The following SLIT3 variants were observed in gnomAD, a reference collection of about 807,000 sequenced individuals.
SLIT3 encodes the protein slit guidance ligand 3, also known as slit homolog 3 protein.
A neutral mutation model predicts 184.0 loss-of-function variants in SLIT3; 68 were observed. The observed-to-expected ratio is 0.37, with a 90% CI of 0.30 to 0.45. The LOEUF (loss-of-function observed/expected upper bound fraction) is 0.45. SLIT3 is among the 20% of genes least tolerant of loss of function. SLIT3 has a pLI of 1.00. For missense variants in SLIT3, 1,707 were observed against 2,026.0 expected (o/e 0.84, Z 3.02); for synonymous variants, 831 against 828.6 (o/e 1.00, Z -0.05).
intron 31 of SLIT3, 25 bp downstream of exon 31, chr5:168,685,662 A>AAGGGC: frequency 6.6e-7 from 1 of 1,516,094 alleles, no homozygotes; most frequent in Non-Finnish European, 8.8e-7. Context: ...AGGTCCTTCC[A>AAGGGC]AGGGCAGGGC....
chr5:168,848,128 C>T (rs775816864), intron 5 of SLIT3, among the ~76,000 whole-genome samples: 1 of 152,220 alleles, frequency 6.6e-6, no homozygotes, highest in Non-Finnish European at 1.5e-5. Context: ...CAGTGCCTAG[C>T]GCAGTGCCAG....
chr5:169,004,903 G>A (rs369346700), intron 4 of SLIT3, among the ~76,000 whole-genome samples: 12 of 152,082 alleles, frequency 7.9e-5, no homozygotes, highest in African/African-American at 2.9e-4. Flanking sequence ...GAACCTCCTA[G>A]TCTCCAGAAC....
chr5:168,681,823 C>G (rs112399506), intron 32 of SLIT3, among the ~76,000 whole-genome samples: 47 of 152,332 alleles, frequency 3.1e-4, no homozygotes, highest in African/African-American at 1.1e-3. Context: ...GGAAGCCTGG[C>G]TTTCACCTTC....
chr5:168,836,964 T>G (rs534848636), intron 6 of SLIT3, among the ~76,000 whole-genome samples: 72 of 152,232 alleles, frequency 4.7e-4, no homozygotes, highest in Non-Finnish European at 9.0e-4. Context: ...AAAAAAAAAT[T>G]TAGATTTCAA....
chr5:169,254,094 C>A (rs1344430221), intron 1 of SLIT3, among the ~76,000 whole-genome samples: 2 of 151,988 alleles, frequency 1.3e-5, no homozygotes, highest in South Asian at 2.1e-4. Flanking sequence ...CCCAACTCCA[C>A]ACAGCTGGGT....
At chr5:168,834,582 C>T (rs1435759192) in intron 6 of SLIT3, among the ~76,000 whole-genome samples, 1 of 149,878 alleles carries the variant, frequency 6.7e-6, no homozygotes, top group East Asian at 2.0e-4. Flanking sequence ...ATTCCAGCTA[C>T]TCAGGAGGCT....
chr5:168,884,639 T>C (rs1361719394), intron 4 of SLIT3, among the ~76,000 whole-genome samples: 1 of 144,898 alleles, frequency 6.9e-6, no homozygotes, highest in Non-Finnish European at 1.5e-5. Context: ...TTATTTTTGC[T>C]TGCTATATTG....
Position 168,669,961 on chromosome 5 carries a change from C to T in SLIT3, c.4158G>A (p.Gly1386=). The part of the protein sequence containing the change: ...RCHHGKCVAT[G]TSYMCKCAEG... ...CGGCACACTTGCACATGTATGAGGT[C>T]CCAGTTGCCACACATTTTCCATGGT... Residue 1386 remains glycine, a synonymous_variant, in exon 35 of 36, where the codon GGG becomes GGA. Coordinates refer to ENST00000519560, the MANE Select transcript of SLIT3 (RefSeq NM_003062.4). 1.2e-6 allele frequency: 2 copies of T among 1,614,106 alleles called. No homozygotes were observed. The highest frequency in any genetic ancestry group is 1.7e-6 in the Non-Finnish European group (2 of 1,180,018).
At chr5:169,079,941 G>A (rs1448297221) in intron 4 of SLIT3, among the ~76,000 whole-genome samples, 2 of 149,754 alleles carry the variant, frequency 1.3e-5, no homozygotes, top group African/African-American at 5.0e-5. Flanking sequence ...AGGGAAGAGA[G>A]AGAAGAGGGA....
chr5:169,199,092 G>C (rs571121679), intron 3 of SLIT3, among the ~76,000 whole-genome samples: 2 of 151,858 alleles, frequency 1.3e-5, no homozygotes, highest in African/African-American at 2.4e-5. Flanking sequence ...GGTTGAAATC[G>C]GAAGCAGGAA....
chr5:169,132,663 G>A lies in SLIT3; in HGVS notation c.413+60816C>T, dbSNP rs1012938260. ...CAGGACTTCTCAAAAAGCATGTTCC[G>A]TATCAAGCTGAAGGTCTGTATGTCT... On this transcript the variant is annotated intron_variant, in intron 4 of 35. Transcript: ENST00000519560. Among the ~76,000 whole-genome samples the A allele has an allele frequency of 9.9e-5, 15 of 152,284 alleles. 1 individual carries two copies. The South Asian group carries it at 1.9e-3, about 19-fold the overall frequency.
intron 5 of SLIT3, among the ~76,000 whole-genome samples, chr5:168,856,808 C>CGCGT (rs1758893976): frequency 9.5e-6 from 1 of 105,482 alleles, no homozygotes; most frequent in East Asian, 3.2e-4. Flanking sequence ...TGTGTGTGTG[C>CGCGT]GCGCGCGCGC....
At position 169,291,673 on chromosome 5, in the gene SLIT3, C is replaced by A. The variant is rs112552030; in HGVS notation, c.197+8840G>T. Among the ~76,000 whole-genome samples, 69 of 152,290 alleles carry A rather than the reference C, an allele frequency of 4.5e-4. 1 individual carries two copies. The highest frequency in any genetic ancestry group is 1.6e-3 in the African/African-American group (68 of 41,550). On this transcript the variant is annotated intron_variant, in intron 1 of 35. Transcript: ENST00000519560. ...CTTGATGCTTTGCCTCGAACAGGGG[C>A]TCTTTGATTTAAGTTGAACTCATCA...
At chr5:169,028,370 C>T (rs1005389761) in intron 4 of SLIT3, among the ~76,000 whole-genome samples, 3 of 152,182 alleles carry the variant, frequency 2.0e-5, no homozygotes, top group African/African-American at 4.8e-5. Flanking sequence ...AGCTTCAGGG[C>T]TGTGTAGGCT....
chr5:169,094,399 C>T (rs936645306), intron 4 of SLIT3, among the ~76,000 whole-genome samples: 97 of 152,274 alleles, frequency 6.4e-4, no homozygotes, highest in African/African-American at 2.3e-3. Flanking sequence ...GAGGCCAAGG[C>T]GGGTGGATCA....
At chr5:169,124,939 C>T (rs1025285106) in intron 4 of SLIT3, among the ~76,000 whole-genome samples, 1 of 152,200 alleles carries the variant, frequency 6.6e-6, no homozygotes, top group Non-Finnish European at 1.5e-5. Flanking sequence ...TGACCTATTA[C>T]ACATTTGGCC....
At chr5:169,109,856 C>G (rs1760349535) in intron 4 of SLIT3, among the ~76,000 whole-genome samples, 1 of 152,184 alleles carries the variant, frequency 6.6e-6, no homozygotes. Context: ...CTTCTGTTTT[C>G]TTTCCTCCCT....
intron 4 of SLIT3, among the ~76,000 whole-genome samples, chr5:169,021,327 T>C (rs956644581): frequency 6.6e-6 from 1 of 152,130 alleles, no homozygotes; most frequent in African/African-American, 2.4e-5. Flanking sequence ...TGAATTTTTA[T>C]GTATTTATGG....
intron 5 of SLIT3, among the ~76,000 whole-genome samples, chr5:168,870,992 C>T (rs1504955): frequency 0.19 from 28,357 of 152,118 alleles, 3,458 homozygotes; most frequent in African/African-American, 0.35. Flanking sequence ...ACAAACTGAG[C>T]GTCTTAACAT....
Sources: allele counts gnomAD v4.1 joint callset (sites outside exome capture counted in the v4.1 genomes callset), GRCh38; gene constraint gnomAD v4.1.1; transcripts MANE v1.5; gene names NCBI Gene and HGNC (gene_info 2026-07-23, HGNC 2026-07-21).